Variants in OSBPL1A observed in about 807,000 individuals in gnomAD.
The protein encoded by OSBPL1A is oxysterol-binding protein-related protein 1.
Under a neutral mutation model 137.1 loss-of-function variants are expected in OSBPL1A, and 80 were observed. The observed-to-expected ratio is 0.58, with a 90% CI of 0.49 to 0.70. The LOEUF (loss-of-function observed/expected upper bound fraction) is 0.70. Among genes scored for constraint, OSBPL1A ranks in the 30% least tolerant of loss-of-function variants. The probability of loss-of-function intolerance (pLI) is 0.00; values close to 1 mark genes in which losing one functional copy is unlikely to be tolerated. For synonymous variants in OSBPL1A, 365 were observed against 389.7 expected (o/e 0.94, Z 0.75); for missense variants, 970 against 1,129.4 (o/e 0.86, Z 2.02).
At position 24,162,911 on chromosome 18, in the gene OSBPL1A, AG is replaced by A. The variant is rs1294336312; in HGVS notation, c.*267del. The A allele has an allele frequency of 4.2e-6, 1 of 239,772 alleles. No individual in the cohort carries two copies. The highest frequency in any genetic ancestry group is 2.3e-5 in the African/African-American group (1 of 43,158). 14.9% of individuals were successfully genotyped at this position (239,772 alleles called of 1,614,324 possible). A position where few individuals can be genotyped will look rare whatever the true frequency, so the allele number is the denominator to read the frequency against. ...AAATATGGCAACAGCAACCATAAAA[AG>A]CATATTCCCCAGCAGTGTTCTCTTA... On this transcript the variant is annotated 3_prime_UTR_variant, in exon 28 of 28. Coordinates refer to ENST00000319481, the MANE Select transcript of OSBPL1A (RefSeq NM_080597.4).
intron 4 of OSBPL1A, among the ~76,000 whole-genome samples, chr18:24,351,697 G>A (rs767799394): frequency 2.5e-4 from 38 of 152,116 alleles, no homozygotes; most frequent in Non-Finnish European, 4.3e-4. Flanking sequence ...GTGCCACCAT[G>A]CGCAGATAAT....
rs183463251 is a variant in OSBPL1A at position 24,314,535 on chromosome 18, T to C, written c.871-188A>G. On this transcript the variant is annotated intron_variant, in intron 11 of 27. Coordinates refer to ENST00000319481, the MANE Select transcript of OSBPL1A (RefSeq NM_080597.4). ...GTATCAAATGCACTGTAGAACTATG[T>C]TGAGTCTGGCTCTCAACTTCTTAGT... Among the ~76,000 whole-genome samples, 4 of 152,330 alleles carry C rather than the reference T, an allele frequency of 2.6e-5. No homozygotes were observed. The East Asian group carries it at 7.7e-4, about 29-fold the overall frequency.
intron 15 of OSBPL1A, among the ~76,000 whole-genome samples, chr18:24,248,388 T>C (rs192475500): frequency 7.0e-4 from 107 of 152,292 alleles, no homozygotes; most frequent in African/African-American, 2.3e-3. Flanking sequence ...CATTTTCCCA[T>C]TGGTTATAGC....
In OSBPL1A at chr18:24,388,086, TA is replaced by T. The variant is rs1473967137; in HGVS notation, c.-3+9568del. Among the ~76,000 whole-genome samples, 6 of 152,194 alleles carry T rather than the reference TA, an allele frequency of 3.9e-5. No individual in the cohort carries two copies. In the East Asian group the frequency reaches 1.2e-3, roughly 29 times the overall value. ...GTTATAAGGAAGACAAGTGTACAAATAAACTACTATCCACATTTCTGGAGAG... is the reference window on the plus strand; with the variant it reads ...GTTATAAGGAAGACAAGTGTACAAATAACTACTATCCACATTTCTGGAGAG... On this transcript the variant is annotated intron_variant, in intron 1 of 27. Coordinates refer to ENST00000319481, the MANE Select transcript of OSBPL1A (RefSeq NM_080597.4).
chr18:24,211,123 G>A (rs576773558), intron 17 of OSBPL1A, among the ~76,000 whole-genome samples: 15 of 151,944 alleles, frequency 9.9e-5, no homozygotes, highest in Admixed American at 7.9e-4. Flanking sequence ...CCACCACCAC[G>A]CCCAGCTAAT....
intron 7 of OSBPL1A, among the ~76,000 whole-genome samples, chr18:24,326,093 C>T (rs1430216581): frequency 6.6e-6 from 1 of 151,932 alleles, no homozygotes; most frequent in Non-Finnish European, 1.5e-5. Flanking sequence ...AAGACTAGGA[C>T]ATTTTCACTC....
intron 1 of OSBPL1A, among the ~76,000 whole-genome samples, chr18:24,379,304 G>C (rs1478043560): frequency 6.6e-6 from 1 of 152,104 alleles, no homozygotes; most frequent in African/African-American, 2.4e-5. Flanking sequence ...TGGACCACTT[G>C]AGCCCAGGAG....
At chr18:24,258,922 C>T (rs1599576232) in intron 15 of OSBPL1A, among the ~76,000 whole-genome samples, 1 of 117,744 alleles carries the variant, frequency 8.5e-6, no homozygotes. Flanking sequence ...TTTAAAATTA[C>T]ATCTTTTTTT....
chr18:24,269,290 A>G (rs1036193250), intron 15 of OSBPL1A, among the ~76,000 whole-genome samples: 11 of 152,212 alleles, frequency 7.2e-5, no homozygotes, highest in Non-Finnish European at 1.5e-5. Flanking sequence ...AGCATACTTT[A>G]CAAAGTCCTT....
chr18:24,303,101 A>G (rs1008153521), intron 14 of OSBPL1A, among the ~76,000 whole-genome samples: 2 of 152,028 alleles, frequency 1.3e-5, no homozygotes, highest in African/African-American at 4.8e-5. Context: ...CCTAGGTTCA[A>G]GCGATTCTCC....
intron 4 of OSBPL1A, among the ~76,000 whole-genome samples, chr18:24,358,827 C>G (rs536588776): frequency 6.6e-6 from 1 of 152,298 alleles, no homozygotes; most frequent in Admixed American, 6.5e-5. Flanking sequence ...TCACTGTAGC[C>G]TCAAACTCCT....
At chr18:24,321,304 T>A (rs1211834529) in intron 7 of OSBPL1A, among the ~76,000 whole-genome samples, 1 of 152,168 alleles carries the variant, frequency 6.6e-6, no homozygotes, top group African/African-American at 2.4e-5. Context: ...TTTACTAATA[T>A]ACTGGACTAC....
chr18:24,380,245 G>A (rs911422262), intron 1 of OSBPL1A, among the ~76,000 whole-genome samples: 5 of 152,182 alleles, frequency 3.3e-5, no homozygotes, highest in Non-Finnish European at 7.3e-5. Flanking sequence ...CACCAGGGGT[G>A]TAGCTCACCA....
Position 24,377,472 on chromosome 18 carries a change from ACTT to A in OSBPL1A, c.59_61del (p.Glu20del). The A allele has an allele frequency of 6.2e-7, 1 of 1,612,622 alleles. No homozygotes were observed. The highest frequency in any genetic ancestry group is 8.5e-7 in the Non-Finnish European group (1 of 1,179,716). ...CGCCATGGTCTCTAATAGTTGTCTTACTTCTTCAGCATTGCCATTTCTGGCGTG... is the reference window on the plus strand; with the variant it reads ...CGCCATGGTCTCTAATAGTTGTCTTACTTCAGCATTGCCATTTCTGGCGTG... On this transcript the variant is annotated inframe_deletion, in exon 2 of 28. Coordinates refer to ENST00000319481, the MANE Select transcript of OSBPL1A (RefSeq NM_080597.4).
chr18:24,187,103 T>A (rs2086769058), intron 18 of OSBPL1A, among the ~76,000 whole-genome samples: 2 of 152,122 alleles, frequency 1.3e-5, no homozygotes, highest in South Asian at 4.2e-4. Context: ...ACATTCAGAT[T>A]AGTCCACTCC....
chr18:24,307,932 G>C (rs1219512610), intron 13 of OSBPL1A, among the ~76,000 whole-genome samples: 1 of 150,664 alleles, frequency 6.6e-6, no homozygotes, highest in Non-Finnish European at 1.5e-5. Context: ...TGGGATTACA[G>C]ACGTGCACCA....
chr18:24,341,728 T>TA (rs2091277200), intron 4 of OSBPL1A, 70 bp from the exon 5 acceptor site: 1 of 952,644 alleles, frequency 1.0e-6, no homozygotes, highest in African/African-American at 1.6e-5. Flanking sequence ...TTTTCCAAAT[T>TA]ACTAACTACT....
chr18:24,163,594 C>G (rs1320183967), intron 27 of OSBPL1A, among the ~76,000 whole-genome samples: 1 of 152,038 alleles, frequency 6.6e-6, no homozygotes, highest in African/African-American at 2.4e-5. Context: ...ACGGGTTTAC[C>G]CTCTAGCCTG....
At chr18:24,308,915 C>T (rs1184011731) in intron 13 of OSBPL1A, among the ~76,000 whole-genome samples, 2 of 152,004 alleles carry the variant, frequency 1.3e-5, no homozygotes, top group African/African-American at 4.8e-5. Context: ...GGACTACAGG[C>T]GCCCGCCACC....
Sources: gnomAD v4.1 joint callset for allele counts (sites outside exome capture counted in the v4.1 genomes callset) on GRCh38, gnomAD v4.1.1 for gene constraint, MANE v1.5 for transcripts, NCBI Gene and HGNC (gene_info 2026-07-23, HGNC 2026-07-21) for gene names.